TBC1D1: variants seen among roughly 807,000 people sequenced by gnomAD.
TBC1D1 encodes the protein TBC1 domain family member 1, also known as TBC1 (tre-2/USP6, BUB2, cdc16) domain family, member 1.
In TBC1D1, 89 loss-of-function variants were observed where a neutral mutation model predicts 125.6. The ratio of observed to expected loss-of-function variants is 0.71; its 90% CI spans 0.60 to 0.85. The LOEUF is 0.85. Among genes scored for constraint, TBC1D1 ranks in the 40% least tolerant of loss-of-function variants. The probability of loss-of-function intolerance (pLI) is 0.00; values close to 1 mark genes in which losing one functional copy is unlikely to be tolerated. For synonymous variants in TBC1D1, 565 were observed against 564.1 expected, an observed-to-expected ratio of 1.00 and a Z score of -0.02; for missense variants, 1,377 against 1,469.2, an observed-to-expected ratio of 0.94 and a Z score of 1.03.
At chr4:37,893,953 C>T (rs201830035) in intron 1 of TBC1D1, among the ~76,000 whole-genome samples, 5 of 151,290 alleles carry the variant, frequency 3.3e-5, no homozygotes, top group Non-Finnish European at 7.4e-5. Context: ...AGATTCTTCA[C>T]GAAAGACATG....
rs950384710 is a variant in TBC1D1 at position 37,972,763 on chromosome 4, G to A, written c.418-41746G>A. ...ACTAAAAATACAAAATTAGCCGTGCGTGGTGGTGCATGCCTGTAATCCCAG... is the reference window on the plus strand; with the variant it reads ...ACTAAAAATACAAAATTAGCCGTGCATGGTGGTGCATGCCTGTAATCCCAG... On this transcript the variant is annotated intron_variant, in intron 2 of 19. Coordinates refer to ENST00000261439, the MANE Select transcript of TBC1D1 (RefSeq NM_015173.4). 7.9e-5 allele frequency among the ~76,000 whole-genome samples: 12 copies of A among 151,970 alleles called. No homozygotes were observed. In the East Asian group the frequency reaches 1.9e-3, roughly 25 times the overall value.
intron 12 of TBC1D1, among the ~76,000 whole-genome samples, chr4:38,066,951 A>G (rs1234979932): frequency 6.6e-6 from 1 of 151,844 alleles, no homozygotes; most frequent in Admixed American, 6.6e-5. Flanking sequence ...ATCTTGGCTC[A>G]CTGCAACCTC....
At position 38,096,009 on chromosome 4, in the gene TBC1D1, G is replaced by A. The variant is rs760939996; in HGVS notation, c.2317G>A (p.Val773Met). ...TCCCTGTCTTAAAGAAGTAACTACA[G>A]TGTGGGAAAAGATGCTTAGCACTCC... The change falls in exon 14 of 20, where the codon GTG becomes ATG. Residue 773 changes from valine to methionine, a missense_variant. Coordinates refer to ENST00000261439, the MANE Select transcript of TBC1D1 (RefSeq NM_015173.4). The A allele has an allele frequency of 1.9e-6, 3 of 1,614,058 alleles. No homozygotes were observed. The South Asian group carries it at 3.3e-5, about 18-fold the overall frequency.
At chr4:37,928,206 TGTTA>T (rs1722514455) in intron 2 of TBC1D1, among the ~76,000 whole-genome samples, 1 of 152,214 alleles carries the variant, frequency 6.6e-6, no homozygotes, top group African/African-American at 2.4e-5. Context: ...AGTTTAAAAG[TGTTA>T]GCTATCACAT....
At chr4:37,968,340 T>C (rs1731431894) in intron 2 of TBC1D1, among the ~76,000 whole-genome samples, 1 of 152,232 alleles carries the variant, frequency 6.6e-6, no homozygotes, top group African/African-American at 2.4e-5. Flanking sequence ...CTTCTTAGTA[T>C]TTCTGGTGGG....
chr4:37,991,822 T>A (rs1736634927), intron 2 of TBC1D1, among the ~76,000 whole-genome samples: 1 of 152,186 alleles, frequency 6.6e-6, no homozygotes, highest in Admixed American at 6.5e-5. Context: ...TCCAGCCTCC[T>A]GTGGCTGCAT....
chr4:37,988,174 C>T (rs542295337), intron 2 of TBC1D1, among the ~76,000 whole-genome samples: 2 of 152,330 alleles, frequency 1.3e-5, no homozygotes, highest in African/African-American at 4.8e-5. Flanking sequence ...GGGTGTAGCA[C>T]GTGTTTCCAA....
rs1758163312 is a variant in TBC1D1, at chr4:38,090,003, C to G, written c.2122C>G (p.Pro708Ala). 1.2e-6 allele frequency: 2 copies of G among 1,614,066 alleles called. No homozygotes were observed. The highest frequency in any genetic ancestry group is 1.3e-5 in the African/African-American group (1 of 75,030). Residue 708 changes from proline to alanine, a missense_variant, in exon 13 of 20, where the codon CCC (proline) becomes GCC (alanine). Coordinates refer to ENST00000261439, the MANE Select transcript of TBC1D1 (RefSeq NM_015173.4). ...AGTTTGTGAAGATGGGCCCTTTGGC[C>G]CCCCACCAGAGGAAAAGAAAAGGAC... is the stretch of plus-strand genomic sequence containing the variant.
chr4:37,903,407 C>T (rs1277759752), intron 2 of TBC1D1, among the ~76,000 whole-genome samples: 1 of 152,180 alleles, frequency 6.6e-6, no homozygotes, highest in African/African-American at 2.4e-5. Context: ...CCACAGCTAA[C>T]CCCATGGACT....
intron 2 of TBC1D1, among the ~76,000 whole-genome samples, chr4:37,923,352 C>T (rs967457574): frequency 6.6e-6 from 1 of 152,172 alleles, no homozygotes; most frequent in Admixed American, 6.5e-5. Flanking sequence ...TCCAGTCTAT[C>T]ATTGATGGGC....
intron 6 of TBC1D1, among the ~76,000 whole-genome samples, chr4:38,024,969 C>T (rs1353430212): frequency 6.6e-6 from 1 of 152,182 alleles, no homozygotes; most frequent in Non-Finnish European, 1.5e-5. Context: ...GCACTCTGCT[C>T]TAATTGCAAC....
intron 2 of TBC1D1, among the ~76,000 whole-genome samples, chr4:37,946,617 G>C (rs1213693403): frequency 3.3e-5 from 5 of 152,162 alleles, no homozygotes; most frequent in Non-Finnish European, 5.9e-5. Flanking sequence ...GTCAACAGTG[G>C]CCCAGGGAAA....
At chr4:37,954,276 G>C (rs972195739) in intron 2 of TBC1D1, among the ~76,000 whole-genome samples, 1 of 152,000 alleles carries the variant, frequency 6.6e-6, no homozygotes, top group African/African-American at 2.4e-5. Flanking sequence ...GTCACATGTT[G>C]ACTTTTTTTT....
At chr4:37,999,063 A>T (rs1738448274) in intron 2 of TBC1D1, among the ~76,000 whole-genome samples, 1 of 152,300 alleles carries the variant, frequency 6.6e-6, no homozygotes, top group South Asian at 2.1e-4. Flanking sequence ...AGCCTGGCCA[A>T]CACGGTGAAC....
In TBC1D1 at chr4:37,994,593, G is replaced by A. The variant is rs373281161; in HGVS notation, c.418-19916G>A. Among the ~76,000 whole-genome samples, 8 of 152,040 alleles carry A rather than the reference G, an allele frequency of 5.3e-5. No homozygotes were observed. In the South Asian group the frequency reaches 1.0e-3, roughly 20 times the overall value. On this transcript the variant is annotated intron_variant, in intron 2 of 19. Transcript: ENST00000261439. Reference sequence around the variant, plus strand: ...AGTGGAGCTAATGCCTCTTTCCTGCGACAGATTTCTACCCAAGCCAAAGGC... The same window carrying A: ...AGTGGAGCTAATGCCTCTTTCCTGCAACAGATTTCTACCCAAGCCAAAGGC...
intron 19 of TBC1D1, among the ~76,000 whole-genome samples, chr4:38,135,864 G>A (rs79556345): frequency 5.2e-4 from 78 of 149,900 alleles, no homozygotes; most frequent in African/African-American, 9.7e-4. Flanking sequence ...ATGTGTGTGT[G>A]TATATATATG....
At chr4:37,930,483 G>A (rs1723040689) in intron 2 of TBC1D1, among the ~76,000 whole-genome samples, 2 of 151,922 alleles carry the variant, frequency 1.3e-5, no homozygotes, top group South Asian at 4.2e-4. Flanking sequence ...CATCATGCCT[G>A]GCCAACTTTT....
intron 2 of TBC1D1, among the ~76,000 whole-genome samples, chr4:37,940,442 C>T (rs1043438826): frequency 1.3e-5 from 2 of 152,188 alleles, no homozygotes; most frequent in African/African-American, 4.8e-5. Context: ...ATGGGGTTAT[C>T]TAGATATACA....
chr4:38,054,687 A>G (rs1751357177), intron 12 of TBC1D1, among the ~76,000 whole-genome samples: 2 of 152,248 alleles, frequency 1.3e-5, no homozygotes, highest in Admixed American at 1.3e-4. Context: ...TTAGAGCAGC[A>G]GTGAAAGTTT....
Sources: gnomAD v4.1 joint callset for allele counts (sites outside exome capture counted in the v4.1 genomes callset) on GRCh38, gnomAD v4.1.1 for gene constraint, MANE v1.5 for transcripts, NCBI Gene and HGNC (gene_info 2026-07-23, HGNC 2026-07-21) for gene names.